The following SYDE2 variants were observed in gnomAD, a reference collection of about 807,000 sequenced individuals.
The protein encoded by SYDE2 is rho GTPase-activating protein SYDE2.
Under a neutral mutation model 91.5 loss-of-function variants are expected in SYDE2, and 76 were observed. The observed-to-expected ratio is 0.83, with a 90% CI of 0.69 to 1.01. SYDE2 has a LOEUF of 1.01. Ranked by LOEUF, SYDE2 falls within the 50% of genes least tolerant of loss-of-function variation. The pLI is 0.00. For synonymous variants in SYDE2, 513 were observed against 506.4 expected (o/e 1.01, Z -0.18); for missense variants, 1,364 against 1,367.7 (o/e 1.00, Z 0.04).
Position 85,165,601 on chromosome 1 carries a change from T to A in SYDE2, c.2854-844A>T, listed in dbSNP as rs547661373. ...ATACATATAAATAAATAAATAAATA[T>A]ATATATGTGGTAAATAAACCTTAAA... On this transcript the variant is annotated intron_variant, in intron 5 of 6. Transcript: ENST00000341460. Among the ~76,000 whole-genome samples, 46 of 150,888 alleles carry A rather than the reference T, an allele frequency of 3.0e-4. No individual in the cohort carries two copies. The South Asian group carries it at 3.1e-3, about 10-fold the overall frequency.
At position 85,200,990 on chromosome 1, in the gene SYDE2, C is replaced by G; in HGVS notation, c.7G>C (p.Asp3His). 1 of 1,304,268 alleles carries G rather than the reference C, an allele frequency of 7.7e-7. No homozygotes were observed. The highest frequency in any genetic ancestry group is 9.7e-7 in the Non-Finnish European group (1 of 1,034,616). The allele number at this position is 1,304,268 out of a possible 1,614,324, so 80.8% of individuals were successfully genotyped here. A position where few individuals can be genotyped will look rare whatever the true frequency, so the allele number is the denominator to read the frequency against. The change falls in exon 1 of 7, where the codon GAC (aspartate) becomes CAC (histidine). Residue 3 changes from aspartate to histidine, a missense_variant. Physicochemically the swap from Asp to His is moderately conservative, Grantham distance 81 (BLOSUM62 -1). Transcript: ENST00000341460. ...CGCGCGCCCGAGTCAGGGGGCAGGT[C>G]GTGCATGGCCTGGATCAGCAGATAA... is the stretch of plus-strand genomic sequence containing the variant. MH[D>H]LPPDSGARRG...
chr1:85,163,852 CAT>C (rs1319748494), intron 6 of SYDE2, among the ~76,000 whole-genome samples: 1 of 152,042 alleles, frequency 6.6e-6, no homozygotes, highest in African/African-American at 2.4e-5. Context: ...AAATTAAACA[CAT>C]ATTTCTTTTA....
chr1:85,183,189 G>C lies in SYDE2; in HGVS notation c.1453C>G (p.Leu485Val). The C allele has an allele frequency of 6.4e-7, 1 of 1,561,518 alleles. No individual in the cohort carries two copies. Among genetic ancestry groups the C allele is most frequent in the South Asian group, 1.2e-5 (1 of 81,572 alleles). The change falls in exon 3 of 7, where the codon CTG becomes GTG. Residue 485 changes from leucine to valine, a missense_variant. Coordinates refer to ENST00000341460, the MANE Select transcript of SYDE2 (RefSeq NM_032184.2). ...AATTCAGTACTATTTGTAGCAGCCA[G>C]GATCCCAGAACCTTAAAAGAAAGAA... Reference protein sequence around the residue: ...LKSPFAGSGILAATNSTELGI... With the variant: ...LKSPFAGSGIVAATNSTELGI...
chr1:85,174,052 GAA>G (rs35729320), intron 4 of SYDE2, among the ~76,000 whole-genome samples: 5,353 of 150,436 alleles, frequency 0.036, 325 homozygotes, highest in African/African-American at 0.12. Context: ...GGAAAAAGCT[GAA>G]AAAAAAATAC....
chr1:85,173,166 G>T (rs1657562921), intron 4 of SYDE2, among the ~76,000 whole-genome samples: 2 of 152,112 alleles, frequency 1.3e-5, no homozygotes, highest in South Asian at 4.1e-4. Flanking sequence ...TCACTAGGGT[G>T]GGCCCTACTC....
chr1:85,155,966 A>C (rs1011746651), downstream of SYDE2, among the ~76,000 whole-genome samples: 1 of 152,214 alleles, frequency 6.6e-6, no homozygotes, highest in African/African-American at 2.4e-5. Flanking sequence ...AAGTCAATGG[A>C]TCAAAAAAAT....
chr1:85,171,847 T>C (rs146083908), intron 4 of SYDE2, among the ~76,000 whole-genome samples: 415 of 151,990 alleles, frequency 2.7e-3, no homozygotes, highest in African/African-American at 9.4e-3. Context: ...ATTAAAGAAA[T>C]AGACAAAGAA....
Position 85,200,978 on chromosome 1 carries a change from CA to C in SYDE2, c.18del (p.Asp7ThrfsTer160), listed in dbSNP as rs750186866. The C allele has an allele frequency of 1.0e-4, 136 of 1,305,982 alleles. No homozygotes were observed. The African/African-American group carries it at 1.9e-3, about 18-fold the overall frequency. The allele number at this position is 1,305,982 out of a possible 1,614,324, so 80.9% of individuals were successfully genotyped here. MHDLP[P>X]DSGARRGGRG... ...CTGCCGCCCCGCCGCGCGCCCGAGT[CA>C]GGGGGCAGGTCGTGCATGGCCTGGA... On this transcript the variant is annotated frameshift_variant, in exon 1 of 7. Transcript: ENST00000341460. LOFTEE classifies it high-confidence loss of function.
At chr1:85,164,120 T>C (rs747107551) in intron 6 of SYDE2, among the ~76,000 whole-genome samples, 1 of 152,206 alleles carries the variant, frequency 6.6e-6, no homozygotes, top group African/African-American at 2.4e-5. Context: ...GAGTCTCTAT[T>C]ACATGTCAAG....
chr1:85,194,866 A>C (rs1658516955), intron 1 of SYDE2: 1 of 985,174 alleles, frequency 1.0e-6, no homozygotes, highest in Non-Finnish European at 1.2e-6. Flanking sequence ...CCTCATTGAA[A>C]ATCTGTAGTA....
intron 2 of SYDE2, among the ~76,000 whole-genome samples, chr1:85,188,006 TATA>T (rs780729312): frequency 3.3e-5 from 5 of 152,060 alleles, no homozygotes; most frequent in Non-Finnish European, 5.9e-5. Flanking sequence ...AAACTTAAAG[TATA>T]ATAATAATTA....
chr1:85,152,924 ATAG>A (rs1656811150), downstream of SYDE2: 1 of 152,244 alleles, frequency 6.6e-6, no homozygotes, highest in Admixed American at 6.5e-5. Flanking sequence ...GTTTAGTCAG[ATAG>A]TACCATAAGT....
intron 1 of SYDE2, among the ~76,000 whole-genome samples, chr1:85,191,587 G>A (rs894436394): frequency 2.0e-4 from 31 of 151,902 alleles, no homozygotes; most frequent in African/African-American, 6.5e-4. Context: ...GTGAAACCCC[G>A]TCTCTATTAA....
downstream of SYDE2, chr1:85,153,747 C>G (rs1306613101): frequency 6.6e-6 from 1 of 152,066 alleles, no homozygotes; most frequent in African/African-American, 2.4e-5. Flanking sequence ...ATTCTGACGA[C>G]CTAGCCTCTC....
At chr1:85,183,882 A>C (rs1214504848) in intron 2 of SYDE2, among the ~76,000 whole-genome samples, 1 of 152,194 alleles carries the variant, frequency 6.6e-6, no homozygotes, top group African/African-American at 2.4e-5. Context: ...ACATAAAAAA[A>C]CTGACTCTTT....
chr1:85,197,084 A>G (rs1658613262), intron 1 of SYDE2, among the ~76,000 whole-genome samples: 1 of 152,180 alleles, frequency 6.6e-6, no homozygotes, highest in Non-Finnish European at 1.5e-5. Context: ...AAGATTTATA[A>G]TGATGTATAG....
intron 1 of SYDE2, among the ~76,000 whole-genome samples, chr1:85,191,757 CA>C (rs534474157): frequency 3.9e-3 from 364 of 93,430 alleles, no homozygotes; most frequent in East Asian, 0.015. Flanking sequence ...GATTCCGTCT[CA>C]AAAAAAAAAA....
At chr1:85,185,049 AT>A (rs1335294012) in intron 2 of SYDE2, among the ~76,000 whole-genome samples, 2 of 151,796 alleles carry the variant, frequency 1.3e-5, no homozygotes, top group African/African-American at 4.8e-5. Flanking sequence ...CTGCTAAGAA[AT>A]AGATCACTTT....
downstream of SYDE2, among the ~76,000 whole-genome samples, chr1:85,155,078 G>C (rs898254828): frequency 4.2e-5 from 6 of 143,934 alleles, no homozygotes. Flanking sequence ...AAAAATAGGA[G>C]TACAAAGAAA....
Sources: allele counts gnomAD v4.1 joint callset (sites outside exome capture counted in the v4.1 genomes callset), GRCh38; gene constraint gnomAD v4.1.1; transcripts MANE v1.5; gene names NCBI Gene and HGNC (gene_info 2026-07-23, HGNC 2026-07-21).